Variants in FRMPD4 observed in about 807,000 individuals in gnomAD.
FRMPD4 encodes the protein FERM and PDZ domain-containing protein 4.
FRMPD4 carries 22 observed loss-of-function variants against 94.1 expected under a neutral mutation model. That is an observed-to-expected ratio of 0.23 (90% CI 0.17 to 0.33). The LOEUF is 0.33. FRMPD4 is among the 10% of genes least tolerant of loss of function. The probability of loss-of-function intolerance (pLI) is 1.00; values close to 1 mark genes in which losing one functional copy is unlikely to be tolerated. For synonymous variants in FRMPD4, 631 were observed against 548.6 expected (o/e 1.15, Z -2.10); for missense variants, 1,111 against 1,339.9 (o/e 0.83, Z 2.67).
At chrX:12,634,497 T>G (rs1569377121) in intron 4 of FRMPD4, among the ~76,000 whole-genome samples, 1 of 112,196 alleles carries the variant, frequency 8.9e-6, no homozygotes, top group East Asian at 2.8e-4. Flanking sequence ...TAAATGCCAT[T>G]TGGAATGTTC....
intron 2 of FRMPD4, among the ~76,000 whole-genome samples, chrX:12,544,736 A>T (rs1190721410): frequency 1.8e-5 from 2 of 111,390 alleles, no homozygotes; most frequent in South Asian, 7.7e-4. Flanking sequence ...CCAAGAGCTC[A>T]TCAGGTCCTT....
intron 1 of FRMPD4, among the ~76,000 whole-genome samples, chrX:12,467,711 C>A (rs1292289906): frequency 8.9e-6 from 1 of 112,242 alleles, no homozygotes; most frequent in Non-Finnish European, 1.9e-5. Context: ...ATTAAAATGA[C>A]ACTTCACTTA....
intron 1 of FRMPD4, among the ~76,000 whole-genome samples, chrX:12,213,604 G>T (rs1301686158): frequency 1.8e-5 from 2 of 112,137 alleles, no homozygotes; most frequent in African/African-American, 6.5e-5. Flanking sequence ...TTTGCCTGAT[G>T]TATGTTTTTC....
rs1489699730 is a variant in FRMPD4, at chrX:11,926,999, C to T, written c.95+48981C>T. On this transcript the variant is annotated intron_variant, in intron 3 of 18. Transcript: ENST00000640291. ...CGACATTATCCTATATCTAGAAAAC[C>T]CCATAGTCTCAGCCCAAAAGCTTCT... Among the ~76,000 whole-genome samples, 9 of 111,068 alleles carry T rather than the reference C, an allele frequency of 8.1e-5. No homozygotes were observed. In the Admixed American group the frequency reaches 8.6e-4, roughly 11 times the overall value.
At chrX:12,439,270 T>C (rs111289763) in intron 1 of FRMPD4, among the ~76,000 whole-genome samples, 3 of 111,496 alleles carry the variant, frequency 2.7e-5, no homozygotes, top group African/African-American at 9.8e-5. Flanking sequence ...ATGCTAATAC[T>C]CTGGCTACGG....
At chrX:12,583,719 A>G (rs2058893210) in intron 2 of FRMPD4, among the ~76,000 whole-genome samples, 1 of 112,244 alleles carries the variant, frequency 8.9e-6, no homozygotes, top group South Asian at 3.7e-4. Context: ...CCGCGACCTC[A>G]AGAGAGCCTC....
intron 13 of FRMPD4, among the ~76,000 whole-genome samples, chrX:12,709,856 G>A (rs571325437): frequency 2.7e-5 from 3 of 111,237 alleles, no homozygotes; most frequent in Middle Eastern, 4.6e-3. Flanking sequence ...GTCCAGGTGC[G>A]GTGGCTCACA....
chrX:12,594,001 G>T (rs1602180967), intron 2 of FRMPD4, among the ~76,000 whole-genome samples: 2 of 110,871 alleles, frequency 1.8e-5, no homozygotes, highest in East Asian at 5.7e-4. Flanking sequence ...ACTACCATTT[G>T]TATTATTTTT....
intron 1 of FRMPD4, among the ~76,000 whole-genome samples, chrX:12,329,758 G>C (rs1257407964): frequency 9.5e-6 from 1 of 105,127 alleles, no homozygotes; most frequent in Non-Finnish European, 1.9e-5. Context: ...GGGTGCTCCT[G>C]AATCTCTTTC....
At chrX:12,707,678 G>A (rs780612416) in intron 13 of FRMPD4, 27 bp downstream of exon 13, 1 of 1,125,534 alleles carries the variant, frequency 8.9e-7, no homozygotes, top group East Asian at 3.0e-5. Flanking sequence ...TTGACACATG[G>A]CCTTGCTGTC....
At chrX:12,128,104 T>A (rs1601957003) in intron 3 of FRMPD4, among the ~76,000 whole-genome samples, 3 of 112,810 alleles carry the variant, frequency 2.7e-5, no homozygotes, top group Admixed American at 9.3e-5. Context: ...GGAGCTACCA[T>A]TCTGGGTTCT....
At chrX:12,626,058 A>C (rs2059342837) in intron 4 of FRMPD4, among the ~76,000 whole-genome samples, 1 of 111,715 alleles carries the variant, frequency 9.0e-6, no homozygotes, top group African/African-American at 3.3e-5. Context: ...GGGCATGGTG[A>C]CTCACACCTG....
chrX:12,394,973 C>T (rs761536236), intron 1 of FRMPD4, among the ~76,000 whole-genome samples: 1 of 111,728 alleles, frequency 9.0e-6, no homozygotes, highest in South Asian at 3.8e-4. Context: ...GTGCTCCCAG[C>T]GTGTACTTGG....
chrX:12,522,860 C>T (rs944143424), intron 2 of FRMPD4, among the ~76,000 whole-genome samples: 1 of 111,673 alleles, frequency 9.0e-6, no homozygotes, highest in Non-Finnish European at 1.9e-5. Flanking sequence ...ACCTCTGCCT[C>T]CCATAGCGCT....
intron 4 of FRMPD4, among the ~76,000 whole-genome samples, chrX:12,616,752 T>G (rs1485997535): frequency 8.9e-6 from 1 of 112,522 alleles, no homozygotes; most frequent in Non-Finnish European, 1.9e-5. Flanking sequence ...GGGGCATACC[T>G]TATCTAGGCA....
upstream of FRMPD4, among the ~76,000 whole-genome samples, chrX:12,136,795 T>C (rs1412106740): frequency 9.1e-6 from 1 of 109,332 alleles, no homozygotes; most frequent in Non-Finnish European, 1.9e-5. Context: ...TAGGGTCCTG[T>C]TGGCCCTTGC....
chrX:12,339,521 C>G (rs1384836907), intron 1 of FRMPD4, among the ~76,000 whole-genome samples: 2 of 112,190 alleles, frequency 1.8e-5, no homozygotes, highest in Non-Finnish European at 3.8e-5. Flanking sequence ...ATATTTCATT[C>G]TTTCAGCATT....
chrX:12,281,436 A>G (rs774372026), intron 1 of FRMPD4, among the ~76,000 whole-genome samples: 1 of 107,457 alleles, frequency 9.3e-6, no homozygotes, highest in South Asian at 4.1e-4. Flanking sequence ...GTACAGTGGT[A>G]TGATCTCTGT....
chrX:12,609,422 T>C (rs192479398), intron 2 of FRMPD4, among the ~76,000 whole-genome samples: 14 of 111,724 alleles, frequency 1.3e-4, no homozygotes, highest in East Asian at 8.4e-4. Context: ...ATTTTTAAAA[T>C]GTATGGCCAG....
Sources: allele counts gnomAD v4.1 joint callset (sites outside exome capture counted in the v4.1 genomes callset), GRCh38; gene constraint gnomAD v4.1.1; transcripts MANE v1.5; gene names NCBI Gene and HGNC (gene_info 2026-07-23, HGNC 2026-07-21).